ROBO1: variants seen among roughly 807,000 people sequenced by gnomAD.
ROBO1 encodes the protein roundabout homolog 1.
A neutral mutation model predicts 195.9 loss-of-function variants in ROBO1; 149 were observed. The observed-to-expected ratio is 0.76, with a 90% CI of 0.67 to 0.87. ROBO1 has a LOEUF of 0.87. Among genes scored for constraint, ROBO1 ranks in the 40% least tolerant of loss-of-function variants. ROBO1 has a pLI of 0.00. For missense variants in ROBO1, 1,933 were observed against 2,068.3 expected, an observed-to-expected ratio of 0.93 and a Z score of 1.27; for synonymous variants, 816 against 733.2, an observed-to-expected ratio of 1.11 and a Z score of -1.82.
intron 7 of ROBO1, among the ~76,000 whole-genome samples, chr3:78,715,593 G>A (rs555759537): frequency 6.9e-4 from 105 of 152,088 alleles, no homozygotes; most frequent in Non-Finnish European, 1.1e-3. Flanking sequence ...GTGTAGTGGC[G>A]CAATCTCGGC....
chr3:78,945,939 T>G (rs1004111527), intron 3 of ROBO1, among the ~76,000 whole-genome samples: 2 of 148,110 alleles, frequency 1.4e-5, no homozygotes, highest in African/African-American at 5.0e-5. Flanking sequence ...ACGAAATGAA[T>G]GAAATGAAGC....
At chr3:79,327,013 G>A (rs181397519) in intron 2 of ROBO1, among the ~76,000 whole-genome samples, 367 of 152,006 alleles carry the variant, frequency 2.4e-3, no homozygotes, top group Non-Finnish European at 3.0e-3. Flanking sequence ...TCAGTAAAAA[G>A]GTACGTTATG....
intron 2 of ROBO1, among the ~76,000 whole-genome samples, chr3:79,481,297 T>C (rs981151943): frequency 2.6e-5 from 4 of 152,144 alleles, no homozygotes; most frequent in Non-Finnish European, 5.9e-5. Flanking sequence ...CAGCTGAATT[T>C]TGTCGAACAC....
chr3:79,578,426 T>C (rs1185163964), intron 2 of ROBO1, among the ~76,000 whole-genome samples: 1 of 152,224 alleles, frequency 6.6e-6, no homozygotes, highest in East Asian at 1.9e-4. Flanking sequence ...TATTGCCTTC[T>C]CATTAGTATT....
At chr3:79,477,910 T>C (rs1448865756) in intron 2 of ROBO1, among the ~76,000 whole-genome samples, 2 of 152,204 alleles carry the variant, frequency 1.3e-5, no homozygotes, top group Non-Finnish European at 2.9e-5. Context: ...TGCATGCTTT[T>C]AACATTAGCA....
chr3:78,801,234 C>T (rs1006967066), intron 4 of ROBO1, among the ~76,000 whole-genome samples: 2 of 152,112 alleles, frequency 1.3e-5, no homozygotes, highest in Non-Finnish European at 2.9e-5. Context: ...GATTCTGGAT[C>T]GGATGAATTA....
intron 2 of ROBO1, among the ~76,000 whole-genome samples, chr3:79,575,527 T>G (rs964125309): frequency 2.2e-5 from 3 of 138,196 alleles, no homozygotes; most frequent in Non-Finnish European, 4.6e-5. Context: ...TATAAATATA[T>G]ATAACAAATA....
chr3:79,218,519 G>A (rs1223800106), intron 2 of ROBO1, among the ~76,000 whole-genome samples: 6 of 151,832 alleles, frequency 4.0e-5, no homozygotes, highest in Non-Finnish European at 8.8e-5. Flanking sequence ...CTATTTTATT[G>A]CAAAGAGGGT....
intron 4 of ROBO1, among the ~76,000 whole-genome samples, chr3:78,815,169 T>A (rs2084861658): frequency 6.6e-6 from 1 of 152,040 alleles, no homozygotes; most frequent in Non-Finnish European, 1.5e-5. Flanking sequence ...GCCTACTAAA[T>A]ATACTACAAT....
intron 2 of ROBO1, among the ~76,000 whole-genome samples, chr3:79,279,851 C>G (rs766188470): frequency 3.3e-5 from 5 of 150,284 alleles, no homozygotes; most frequent in Non-Finnish European, 7.4e-5. Context: ...AGGTGTCCAA[C>G]AAATGATGAA....
chr3:79,619,066 C>G (rs78870122), intron 1 of ROBO1, among the ~76,000 whole-genome samples: 14 of 5,452 alleles, frequency 2.6e-3, no homozygotes, highest in African/African-American at 4.4e-3. Context: ...CACCTGCCCT[C>G]ATCATTCACC....
intron 3 of ROBO1, among the ~76,000 whole-genome samples, chr3:79,013,817 A>T (rs1451653838): frequency 6.6e-6 from 1 of 152,172 alleles, no homozygotes; most frequent in Non-Finnish European, 1.5e-5. Flanking sequence ...TAGTAAAGTG[A>T]TAGTCCTAGC....
At position 79,177,473 on chromosome 3, in the gene ROBO1, C is replaced by A. The variant is rs902851430; in HGVS notation, c.89-51934G>T. The stretch of plus-strand genomic sequence containing the variant: ...GGATGGGCGGACCCTCCTACCCCAA[C>A]CTTTCCCCTGCCACCCTTCACTTCT... On this transcript the variant is annotated intron_variant, in intron 2 of 30. Coordinates refer to ENST00000464233, the MANE Select transcript of ROBO1 (RefSeq NM_002941.4). 8.5e-5 allele frequency among the ~76,000 whole-genome samples: 13 copies of A among 152,276 alleles called. 1 individual carries two copies. In the South Asian group the frequency reaches 2.7e-3, roughly 32 times the overall value.
At chr3:79,522,994 A>C (rs192747963) in intron 2 of ROBO1, among the ~76,000 whole-genome samples, 1 of 152,328 alleles carries the variant, frequency 6.6e-6, no homozygotes, top group Admixed American at 6.5e-5. Context: ...GCATTTATGA[A>C]GTGCATGTTA....
At chr3:79,135,634 A>G (rs1467275398) in intron 2 of ROBO1, among the ~76,000 whole-genome samples, 1 of 151,946 alleles carries the variant, frequency 6.6e-6, no homozygotes, top group East Asian at 1.9e-4. Context: ...GCAATCATTC[A>G]ATCTTCTTTT....
intron 4 of ROBO1, among the ~76,000 whole-genome samples, chr3:78,843,860 G>A (rs1271226387): frequency 1.3e-5 from 2 of 151,992 alleles, no homozygotes. Flanking sequence ...CAAAGAATAT[G>A]AAATAAGCTG....
At chr3:79,079,499 A>G (rs2079232796) in intron 3 of ROBO1, among the ~76,000 whole-genome samples, 1 of 151,828 alleles carries the variant, frequency 6.6e-6, no homozygotes. Flanking sequence ...AGACTGCTGT[A>G]ATGTCAAAAT....
At chr3:78,801,468 A>G (rs1346333214) in intron 4 of ROBO1, among the ~76,000 whole-genome samples, 1 of 152,144 alleles carries the variant, frequency 6.6e-6, no homozygotes, top group Non-Finnish European at 1.5e-5. Flanking sequence ...TATCTTCTCT[A>G]TTAATTCTCC....
At chr3:79,177,097 A>T (rs2108719124) in intron 2 of ROBO1, among the ~76,000 whole-genome samples, 1 of 152,270 alleles carries the variant, frequency 6.6e-6, no homozygotes, top group East Asian at 1.9e-4. Flanking sequence ...AGCTCTAAAA[A>T]ATTTCAGTAC....
Sources: gnomAD v4.1 joint callset for allele counts (sites outside exome capture counted in the v4.1 genomes callset) on GRCh38, gnomAD v4.1.1 for gene constraint, MANE v1.5 for transcripts, NCBI Gene and HGNC (gene_info 2026-07-23, HGNC 2026-07-21) for gene names.